Variants in DHX35 observed in about 807,000 individuals in gnomAD.
DHX35 encodes DEAH-box helicase 35, also known as probable ATP-dependent RNA helicase DHX35.
Under a neutral mutation model 99.6 loss-of-function variants are expected in DHX35, and 84 were observed. The observed-to-expected ratio is 0.84, with a 90% CI of 0.71 to 1.01. The LOEUF (loss-of-function observed/expected upper bound fraction) is 1.01. DHX35 is among the 50% of genes least tolerant of loss of function. The pLI is 0.00. For missense variants in DHX35, 852 were observed against 888.5 expected (o/e 0.96, Z 0.52); for synonymous variants, 331 against 316.2 (o/e 1.05, Z -0.50).
intron 3 of DHX35, among the ~76,000 whole-genome samples, chr20:38,980,216 A>G (rs1231498602): frequency 6.6e-6 from 1 of 152,046 alleles, no homozygotes; most frequent in Non-Finnish European, 1.5e-5. Context: ...ACTTAACACT[A>G]CTGCTAAGAG....
At chr20:38,977,641 A>G (rs1601373536) in intron 3 of DHX35, 1 of 351,506 alleles carries the variant, frequency 2.8e-6, no homozygotes, top group South Asian at 2.6e-5. Context: ...GAACCTGGAC[A>G]ACATTTATCA....
chr20:39,032,601 A>G (rs573848015), intron 20 of DHX35, among the ~76,000 whole-genome samples: 1 of 152,314 alleles, frequency 6.6e-6, no homozygotes, highest in South Asian at 2.1e-4. Flanking sequence ...AAGGCAAGAA[A>G]GTCTGTGGTC....
At chr20:39,014,840 C>T (rs1390355691) in intron 13 of DHX35, 40 bp from the exon 14 acceptor site, 4 of 1,612,848 alleles carry the variant, frequency 2.5e-6, no homozygotes. Context: ...GTTTGTTGCC[C>T]AAATAAATTG....
chr20:39,001,848 A>C lies in DHX35; in HGVS notation c.755+6A>C, dbSNP rs2086525790. The C allele has an allele frequency of 2.5e-6, 4 of 1,593,206 alleles. No individual in the cohort carries two copies. Among genetic ancestry groups the C allele is most frequent in the Non-Finnish European group, 3.4e-6 (4 of 1,162,780 alleles). ...GATATCTTTTATCTACAAAGGTTTG[A>C]TGATGCTTGAATTCTGGATGATGGT... On this transcript the variant is annotated splice_donor_region_variant and intron_variant, in intron 9 of 21. Coordinates refer to ENST00000252011, the MANE Select transcript of DHX35 (RefSeq NM_021931.4).
chr20:38,975,975 T>C (rs1425873405), intron 3 of DHX35, among the ~76,000 whole-genome samples: 1 of 152,168 alleles, frequency 6.6e-6, no homozygotes, highest in African/African-American at 2.4e-5. Flanking sequence ...ATGATAAATA[T>C]ATCACAGTGA....
In DHX35 at chr20:39,003,774, T is replaced by C; in HGVS notation, c.878T>C (p.Met293Thr). The change falls in exon 11 of 22, where the codon ATG (methionine) becomes ACG (threonine). Residue 293 changes from methionine to threonine, a missense_variant. Transcript: ENST00000252011. Reference sequence around the variant, plus strand: ...GAAGAGGTAGAAACTGTTGTGTCGATGCTCATCGAGCAGGCTCGAGCACTA... The same window carrying C: ...GAAGAGGTAGAAACTGTTGTGTCGACGCTCATCGAGCAGGCTCGAGCACTA... ...GQEEVETVVSMLIEQARALAR... is the reference protein window; with the variant it reads ...GQEEVETVVSTLIEQARALAR... 1.2e-6 allele frequency: 2 copies of C among 1,614,176 alleles called. No homozygotes were observed. The highest frequency in any genetic ancestry group is 1.7e-6 in the Non-Finnish European group (2 of 1,179,978).
In DHX35 at chr20:38,973,290, ACTTC is replaced by A. The variant is rs150619980; in HGVS notation, c.267+643_267+646del. On this transcript the variant is annotated intron_variant, in intron 3 of 21. Coordinates refer to ENST00000252011, the MANE Select transcript of DHX35 (RefSeq NM_021931.4). ...AGCTTGAGAGACCTTGCAGGTTCTTACTTCCTTTTTTAATGTTAATTTTCTTGAG... is the reference window on the plus strand; with the variant it reads ...AGCTTGAGAGACCTTGCAGGTTCTTACTTTTTTAATGTTAATTTTCTTGAG... Among the ~76,000 whole-genome samples, 283 of 152,344 alleles carry A rather than the reference ACTTC, an allele frequency of 1.9e-3. 7 individuals carry two copies. The East Asian group carries it at 0.051, about 28-fold the overall frequency.
chr20:38,978,325 A>G lies in DHX35; in HGVS notation c.268-5374A>G, dbSNP rs2086114963. 4.0e-6 allele frequency: 3 copies of G among 755,792 alleles called. No homozygotes were observed. The South Asian group carries it at 4.0e-5, about 10-fold the overall frequency. The allele number at this position is 755,792 out of a possible 1,614,324, so 46.8% of individuals were successfully genotyped here. ...CTGGTGCTCATCTTCATCATTATCC[A>G]CCTTAAAGTGATCATCTTTGATGGC... On this transcript the variant is annotated intron_variant, in intron 3 of 21. Transcript: ENST00000252011.
At position 38,988,834 on chromosome 20, in the gene DHX35, G is replaced by T. The variant is rs1301180874; in HGVS notation, c.367G>T (p.Glu123Ter). 3.1e-6 allele frequency: 5 copies of T among 1,613,828 alleles called. No homozygotes were observed. Among genetic ancestry groups the T allele is most frequent in the Non-Finnish European group, 4.2e-6 (5 of 1,179,852 alleles). The stretch of plus-strand genomic sequence containing the variant: ...AAAGGTTGCAGGGAGAGTAGCTGAA[G>T]AAAGGGGTGCAGTGCTGGGCCACGA... The part of the protein sequence containing the change: ...AVTVAGRVAE[E>*]RGAVLGHEVG... Residue 123 changes from glutamate to a stop codon, truncating the protein, a stop_gained, in exon 5 of 22, where the codon GAA becomes TAA. Transcript: ENST00000252011. LOFTEE classifies it high-confidence loss of function.
At chr20:39,001,664 C>T in intron 8 of DHX35, 66 bp from the exon 9 acceptor site, 1 of 1,264,482 alleles carries the variant, frequency 7.9e-7, no homozygotes, top group Non-Finnish European at 1.1e-6. Flanking sequence ...ATTATTTTTT[C>T]TTTCCATGAA....
At chr20:39,036,524 G>A (rs548022606) in intron 21 of DHX35, among the ~76,000 whole-genome samples, 2 of 151,798 alleles carry the variant, frequency 1.3e-5, no homozygotes, top group Non-Finnish European at 2.9e-5. Context: ...ACAGGAGTTC[G>A]AGACCAGCCT....
At chr20:39,033,646 T>G (rs1216358240) in intron 20 of DHX35, among the ~76,000 whole-genome samples, 1 of 152,222 alleles carries the variant, frequency 6.6e-6, no homozygotes, top group African/African-American at 2.4e-5. Flanking sequence ...ATCAGGGGAC[T>G]GGATGTTATG....
Position 39,025,278 on chromosome 20 carries a change from G to T in DHX35, c.1720G>T (p.Gly574Cys). The T allele has an allele frequency of 6.2e-7, 1 of 1,613,478 alleles. No homozygotes were observed. Among genetic ancestry groups the T allele is most frequent in the Non-Finnish European group, 8.5e-7 (1 of 1,179,682 alleles). ...TCAGGAACATTTCCTGAATTACAAG[G>T]GTCTTGTCAGAGCTGCGACTGTAAG... ...WCQEHFLNYK[G>C]LVRAATVREQ... is the part of the protein sequence containing the mutation. Residue 574 changes from glycine to cysteine, a missense_variant, in exon 18 of 22, where the codon GGT (glycine) becomes TGT (cysteine). Gly to Cys is a radical substitution (Grantham distance 159). Coordinates refer to ENST00000252011, the MANE Select transcript of DHX35 (RefSeq NM_021931.4).
intron 4 of DHX35, among the ~76,000 whole-genome samples, chr20:38,984,737 A>G (rs910772312): frequency 3.3e-5 from 5 of 152,194 alleles, no homozygotes; most frequent in Non-Finnish European, 7.3e-5. Flanking sequence ...CAAGATTTAT[A>G]ATATACATGT....
At chr20:38,969,057 GA>G (rs200360241) in intron 1 of DHX35, 23 bp from the exon 2 acceptor site, 22 of 1,540,960 alleles carry the variant, frequency 1.4e-5, no homozygotes, top group South Asian at 3.6e-5. Context: ...CAGAGAATCT[GA>G]AAAAAAAACA....
rs763374555 is a variant in DHX35, at chr20:38,962,401, C to A, written c.34C>A (p.Arg12=). Residue 12 remains arginine, a synonymous_variant, in exon 1 of 22, where the codon CGA becomes AGA. Transcript: ENST00000252011. ...AAPVGPVKFW[R]PGTEGPGVSI... The stretch of plus-strand genomic sequence containing the variant: ...GCCCGTGGGACCGGTGAAGTTCTGG[C>A]GACCCGGTAAGGCCCTTGGTGGAAC... The A allele has an allele frequency of 6.2e-7, 1 of 1,612,692 alleles. No homozygotes were observed. The highest frequency in any genetic ancestry group is 8.5e-7 in the Non-Finnish European group (1 of 1,179,284).
intron 1 of DHX35, among the ~76,000 whole-genome samples, chr20:38,965,299 T>A (rs756083541): frequency 6.6e-6 from 1 of 152,220 alleles, no homozygotes. Flanking sequence ...ATACTCTTAT[T>A]TTAGTGAGGA....
chr20:39,005,685 G>A (rs1166426575), intron 11 of DHX35, among the ~76,000 whole-genome samples: 1 of 152,054 alleles, frequency 6.6e-6, no homozygotes, highest in East Asian at 1.9e-4. Context: ...TGTCTGTCTT[G>A]TTTATCCTAC....
At position 38,989,050 on chromosome 20, in the gene DHX35, A is replaced by G. The variant is rs1023430367; in HGVS notation, c.450+133A>G. 1.9e-5 allele frequency: 18 copies of G among 929,952 alleles called. No homozygotes were observed. In the Admixed American group the frequency reaches 3.8e-4, roughly 19 times the overall value. The allele number at this position is 929,952 out of a possible 1,614,324, so 57.6% of individuals were successfully genotyped here. ...AGAAAGTGAAGAAAAGTATCCTGACATTCAGAGACTTTAGTCAGCTAGGAG... is the reference window on the plus strand; with the variant it reads ...AGAAAGTGAAGAAAAGTATCCTGACGTTCAGAGACTTTAGTCAGCTAGGAG... On this transcript the variant is annotated intron_variant, in intron 5 of 21. Coordinates refer to ENST00000252011, the MANE Select transcript of DHX35 (RefSeq NM_021931.4).
Sources: allele counts gnomAD v4.1 joint callset (sites outside exome capture counted in the v4.1 genomes callset), GRCh38; gene constraint gnomAD v4.1.1; transcripts MANE v1.5; gene names NCBI Gene and HGNC (gene_info 2026-07-23, HGNC 2026-07-21).